Variants in SENP7 observed in about 807,000 individuals in gnomAD.
SENP7 encodes SUMO specific peptidase 7.
SENP7 carries 64 observed loss-of-function variants against 141.2 expected under a neutral mutation model. The ratio of observed to expected loss-of-function variants is 0.45; its 90% CI spans 0.37 to 0.56. SENP7 has a LOEUF of 0.56. SENP7 is among the 20% of genes least tolerant of loss of function. SENP7 has a pLI of 0.00. For missense variants in SENP7, 1,025 were observed against 1,212.2 expected, an observed-to-expected ratio of 0.85 and a Z score of 2.29; for synonymous variants, 382 against 426.4, an observed-to-expected ratio of 0.90 and a Z score of 1.28.
chr3:101,341,818 T>C, intron 14 of SENP7, 39 bp from the exon 15 acceptor site: 1 of 1,531,068 alleles, frequency 6.5e-7, no homozygotes, highest in Non-Finnish European at 8.9e-7. Flanking sequence ...TCAAACATCA[T>C]AACTTTCAAA....
chr3:101,341,851 G>C, intron 14 of SENP7, 72 bp from the exon 15 acceptor site: 1 of 1,415,252 alleles, frequency 7.1e-7, no homozygotes, highest in Non-Finnish European at 9.5e-7. Context: ...AAACGTAGAC[G>C]TGTGAGAGAA....
intron 14 of SENP7, 126 bp downstream of exon 14, chr3:101,343,560 A>G: frequency 9.2e-6 from 7 of 760,048 alleles, no homozygotes; most frequent in Non-Finnish European, 1.4e-5. Context: ...TGGCAACGGG[A>G]GTTCTTTTGG....
At chr3:101,423,753 C>T (rs1014704851) in intron 4 of SENP7, among the ~76,000 whole-genome samples, 4 of 152,076 alleles carry the variant, frequency 2.6e-5, no homozygotes, top group Non-Finnish European at 4.4e-5. Flanking sequence ...ACAGGCTTAC[C>T]ATGTACCAGG....
chr3:101,511,674 G>C (rs1009801822), intron 1 of SENP7, among the ~76,000 whole-genome samples: 2 of 152,166 alleles, frequency 1.3e-5, no homozygotes, highest in African/African-American at 4.8e-5. Context: ...CATATGAAAA[G>C]GGATTTCAGG....
chr3:101,460,998 G>C (rs1284220981), intron 3 of SENP7, among the ~76,000 whole-genome samples: 1 of 151,646 alleles, frequency 6.6e-6, no homozygotes, highest in Non-Finnish European at 1.5e-5. Context: ...GTAAGATAAA[G>C]ACAAAAATAG....
At chr3:101,380,811 T>A (rs911782740) in intron 6 of SENP7, among the ~76,000 whole-genome samples, 1 of 151,998 alleles carries the variant, frequency 6.6e-6, no homozygotes, top group Non-Finnish European at 1.5e-5. Context: ...GCAACACATA[T>A]AAAATGAAAA....
chr3:101,332,927 G>A lies in SENP7; in HGVS notation c.2481-65C>T, dbSNP rs772572903. Reference sequence around the variant, plus strand: ...TTCATTTAAGATAGGGACTTCAAGAGCCATTTTTATATATTGAAATATCTT... The same window carrying A: ...TTCATTTAAGATAGGGACTTCAAGAACCATTTTTATATATTGAAATATCTT... On this transcript the variant is annotated intron_variant, in intron 17 of 23. Coordinates refer to ENST00000394095, the MANE Select transcript of SENP7 (RefSeq NM_020654.5). 15 of 1,428,234 alleles carry A rather than the reference G, an allele frequency of 1.1e-5. No homozygotes were observed. In the South Asian group the frequency reaches 1.8e-4, roughly 17 times the overall value. The allele number at this position is 1,428,234 out of a possible 1,614,324, so 88.5% of individuals were successfully genotyped here.
At chr3:101,350,149 G>C (rs1353458612) in intron 12 of SENP7, among the ~76,000 whole-genome samples, 1 of 152,120 alleles carries the variant, frequency 6.6e-6, no homozygotes, top group Non-Finnish European at 1.5e-5. Context: ...ACTTGAGGAT[G>C]CAAGTCATAC....
intron 3 of SENP7, among the ~76,000 whole-genome samples, chr3:101,481,811 T>TCTG (rs2064494045): frequency 6.6e-6 from 1 of 152,052 alleles, no homozygotes; most frequent in Non-Finnish European, 1.5e-5. Context: ...GATTGGGAAA[T>TCTG]AAAACTGTCT....
rs149532836 is a variant in SENP7, at chr3:101,466,449, T to C, written c.187-7397A>G. ...CAGAAACCTTACAGGCATATGATGA[T>C]ATATTACAAGTGCTGAAAATAAAAT... On this transcript the variant is annotated intron_variant, in intron 3 of 23. Transcript: ENST00000394095. Among the ~76,000 whole-genome samples, 27 of 152,268 alleles carry C rather than the reference T, an allele frequency of 1.8e-4. No individual in the cohort carries two copies. The East Asian group carries it at 4.6e-3, about 26-fold the overall frequency.
chr3:101,431,255 G>C (rs1255392539), intron 4 of SENP7, among the ~76,000 whole-genome samples: 2 of 152,024 alleles, frequency 1.3e-5, no homozygotes, highest in East Asian at 3.9e-4. Flanking sequence ...CTGTCTCATT[G>C]ATCTGTCTAA....
chr3:101,501,216 T>C, intron 1 of SENP7, 97 bp from the exon 2 acceptor site: 1 of 809,596 alleles, frequency 1.2e-6, no homozygotes, highest in South Asian at 1.7e-5. Flanking sequence ...TCCTTTGTTT[T>C]AAATTAACTT....
rs539499331 is a variant in SENP7, at chr3:101,363,131, T to C, written c.1477-1270A>G. ...AACCCAGCTCATAACGCCATTTACC[T>C]GCTTAATTGAATTTCTTTGTCATTC... On this transcript the variant is annotated intron_variant, in intron 10 of 23. Transcript: ENST00000394095. 73 of 929,884 alleles carry C rather than the reference T, an allele frequency of 7.9e-5. No individual in the cohort carries two copies. In the African/African-American group the frequency reaches 1.2e-3, roughly 15 times the overall value. The allele number at this position is 929,884 out of a possible 1,614,324, so 57.6% of individuals were successfully genotyped here.
rs115294706 is a variant in SENP7 at position 101,372,781 on chromosome 3, G to A, written c.678-655C>T. On this transcript the variant is annotated intron_variant, in intron 6 of 23. Transcript: ENST00000394095. ...TTGGGTAGTAGATAACTCTAAAGAGGGAGAGTATTAGAATCAGGGAATATA... is the reference window on the plus strand; with the variant it reads ...TTGGGTAGTAGATAACTCTAAAGAGAGAGAGTATTAGAATCAGGGAATATA... Among the ~76,000 whole-genome samples, 928 of 151,876 alleles carry A rather than the reference G, an allele frequency of 6.1e-3. 6 individuals are homozygous for A. The highest frequency in any genetic ancestry group is 0.022 in the African/African-American group (894 of 41,476).
At chr3:101,364,228 A>AAAAG (rs142675849) in intron 10 of SENP7, among the ~76,000 whole-genome samples, 5,991 of 148,742 alleles carry the variant, frequency 0.04, 199 homozygotes, top group African/African-American at 0.08. Context: ...CCTTGTCTCA[A>AAAAG]AAAGAAAGAA....
At chr3:101,499,784 C>T (rs1406555631) in intron 2 of SENP7, among the ~76,000 whole-genome samples, 3 of 152,142 alleles carry the variant, frequency 2.0e-5, no homozygotes, top group African/African-American at 7.2e-5. Context: ...ATCTGCCCAC[C>T]TCAGCCTCCC....
At chr3:101,380,169 G>A (rs1230844394) in intron 6 of SENP7, among the ~76,000 whole-genome samples, 2 of 152,072 alleles carry the variant, frequency 1.3e-5, no homozygotes, top group Non-Finnish European at 2.9e-5. Context: ...GGGTTTAGGG[G>A]GAGAGAGGAA....
intron 3 of SENP7, among the ~76,000 whole-genome samples, chr3:101,480,519 C>G (rs1163739648): frequency 1.3e-5 from 2 of 152,058 alleles, no homozygotes; most frequent in African/African-American, 4.8e-5. Context: ...CAAAAATCAA[C>G]TTAAGATGGA....
At chr3:101,460,932 T>TA (rs1283983912) in intron 3 of SENP7, among the ~76,000 whole-genome samples, 3 of 150,164 alleles carry the variant, frequency 2.0e-5, no homozygotes, top group Non-Finnish European at 4.4e-5. Context: ...CCCCATCTCT[T>TA]AAAAGAAAAA....
Sources: gnomAD v4.1 joint callset for allele counts (sites outside exome capture counted in the v4.1 genomes callset) on GRCh38, gnomAD v4.1.1 for gene constraint, MANE v1.5 for transcripts, NCBI Gene and HGNC (gene_info 2026-07-23, HGNC 2026-07-21) for gene names.